ZC3H8: variants seen among roughly 807,000 people sequenced by gnomAD.
ZC3H8 encodes zinc finger CCCH domain-containing protein 8.
Under a neutral mutation model 42.5 loss-of-function variants are expected in ZC3H8, and 27 were observed. The ratio of observed to expected loss-of-function variants is 0.64; its 90% CI spans 0.47 to 0.88. The LOEUF is 0.88. Among genes scored for constraint, ZC3H8 ranks in the 40% least tolerant of loss-of-function variants. The pLI is 0.00. For synonymous variants in ZC3H8, 101 were observed against 110.1 expected (o/e 0.92, Z 0.52); for missense variants, 277 against 336.1 (o/e 0.82, Z 1.37).
chr2:112,224,414 T>A (rs1479301198), intron 8 of ZC3H8, among the ~76,000 whole-genome samples: 1 of 152,202 alleles, frequency 6.6e-6, no homozygotes, highest in African/African-American at 2.4e-5. Flanking sequence ...TTCATTAACT[T>A]GACAGAGTTT....
chr2:112,250,080 T>C, intron 2 of ZC3H8, 111 bp downstream of exon 2: 1 of 742,790 alleles, frequency 1.3e-6, no homozygotes, highest in South Asian at 2.4e-5. Context: ...GGATCCTTCA[T>C]TAATTTCTCA....
At position 112,233,246 on chromosome 2, in the gene ZC3H8, G is replaced by C. The variant is rs373897826; in HGVS notation, c.733+14C>G. The C allele has an allele frequency of 3.5e-6, 5 of 1,439,938 alleles. No individual in the cohort carries two copies. The highest frequency in any genetic ancestry group is 4.7e-6 in the Non-Finnish European group (5 of 1,053,180). The allele number at this position is 1,439,938 out of a possible 1,614,324, so 89.2% of individuals were successfully genotyped here. ...AATATTTATAAAGTCACCATATCTT[G>C]TGATAAAGGATATTATGCAAATACA... On this transcript the variant is annotated intron_variant, in intron 6 of 8. Transcript: ENST00000409573.
intron 2 of ZC3H8, among the ~76,000 whole-genome samples, chr2:112,240,984 T>TGC (rs749968538): frequency 0.022 from 2,970 of 132,368 alleles, 50 homozygotes; most frequent in Middle Eastern, 0.049. Context: ...TGTGTGTGTG[T>TGC]GCGCGTGTGT....
chr2:112,240,852 C>A (rs1227956665), intron 2 of ZC3H8, among the ~76,000 whole-genome samples: 3 of 152,006 alleles, frequency 2.0e-5, no homozygotes, highest in Non-Finnish European at 4.4e-5. Context: ...ATTACATCCC[C>A]TTTCTCCTTT....
At chr2:112,234,916 A>T (rs1685255456) in intron 4 of ZC3H8, among the ~76,000 whole-genome samples, 1 of 152,194 alleles carries the variant, frequency 6.6e-6, no homozygotes, top group Admixed American at 6.5e-5. Context: ...AGTGAACCAA[A>T]AGCAGTGGAA....
chr2:112,251,103 A>G (rs967856516), intron 1 of ZC3H8, among the ~76,000 whole-genome samples: 1 of 152,360 alleles, frequency 6.6e-6, no homozygotes, highest in South Asian at 2.1e-4. Flanking sequence ...GCTGAAGAAA[A>G]TATTATCTTA....
intron 6 of ZC3H8, among the ~76,000 whole-genome samples, chr2:112,232,427 A>G (rs1291835146): frequency 1.3e-5 from 2 of 152,128 alleles, no homozygotes; most frequent in African/African-American, 2.4e-5. Context: ...TTTTAGAAGG[A>G]CTACATACGT....
intron 8 of ZC3H8, among the ~76,000 whole-genome samples, chr2:112,217,535 TTC>T (rs1309549597): frequency 1.3e-5 from 2 of 152,260 alleles, no homozygotes; most frequent in Admixed American, 1.3e-4. Flanking sequence ...GCATGTATAA[TTC>T]TGTCATATTG....
chr2:112,240,969 GTGTGTGTGTGTGTGTGCGCGTGTGTA>G, intron 2 of ZC3H8, among the ~76,000 whole-genome samples: 1 of 144,786 alleles, frequency 6.9e-6, no homozygotes, highest in Admixed American at 6.9e-5. Flanking sequence ...GTGTGTGTGT[GTGTGTGTGTGTGTGTGCGCGTGTGTA>G]TGTGTGTTGT....
Position 112,250,279 on chromosome 2 carries a change from C to T in ZC3H8, c.75-7G>A. ...ATCTATTTCATCATCGATTCTGTAG[C>T]AAAAATATCAAATAACACAAAAGAG... On this transcript the variant is annotated splice_region_variant and splice_polypyrimidine_tract_variant and intron_variant, in intron 1 of 8. Coordinates refer to ENST00000409573, the MANE Select transcript of ZC3H8 (RefSeq NM_032494.3). The T allele has an allele frequency of 1.3e-6, 2 of 1,539,676 alleles. No individual in the cohort carries two copies. The highest frequency in any genetic ancestry group is 1.8e-6 in the Non-Finnish European group (2 of 1,140,722).
At chr2:112,244,055 A>G (rs1406747790) in intron 2 of ZC3H8, among the ~76,000 whole-genome samples, 1 of 138,664 alleles carries the variant, frequency 7.2e-6, no homozygotes, top group Non-Finnish European at 1.6e-5. Context: ...GTCTCATATA[A>G]AAGGATATGA....
At chr2:112,229,620 G>A (rs1685004738) in intron 8 of ZC3H8, among the ~76,000 whole-genome samples, 1 of 152,136 alleles carries the variant, frequency 6.6e-6, no homozygotes, top group Admixed American at 6.5e-5. Context: ...ATATGAAACA[G>A]TGCCAACCCA....
chr2:112,251,742 CA>C, intron 1 of ZC3H8, among the ~76,000 whole-genome samples: 1 of 152,228 alleles, frequency 6.6e-6, no homozygotes, highest in Non-Finnish European at 1.5e-5. Flanking sequence ...CCCCAGCAGG[CA>C]GGCAAAGCTC....
At chr2:112,243,387 T>C (rs1477842061) in intron 2 of ZC3H8, among the ~76,000 whole-genome samples, 4 of 152,346 alleles carry the variant, frequency 2.6e-5, no homozygotes, top group Admixed American at 2.6e-4. Flanking sequence ...TTCCAGGCAA[T>C]GTATATGCTC....
intron 8 of ZC3H8, among the ~76,000 whole-genome samples, chr2:112,221,087 C>T (rs557134974): frequency 4.3e-4 from 65 of 152,084 alleles, no homozygotes; most frequent in African/African-American, 1.1e-3. Context: ...CTTTCAGGGA[C>T]GGAAATGAGT....
In ZC3H8 at chr2:112,250,199, G is replaced by C; in HGVS notation, c.148C>G (p.Pro50Ala). ...EKIKLECEQI[P>A]KKFRHSAISP... ...GGTCAACTTAATCTTACTTTTTTGG[G>C]AATTTGCTCGCACTCCAGTTTAATT... Residue 50 changes from proline (P) to alanine (A), a missense_variant, in exon 2 of 9, where the codon CCC (proline) becomes GCC (alanine). Physicochemically the swap from Pro to Ala is conservative, Grantham distance 27 (BLOSUM62 -1). Transcript: ENST00000409573. 1 of 1,561,918 alleles carries C rather than the reference G, an allele frequency of 6.4e-7. No homozygotes were observed. The highest frequency in any genetic ancestry group is 8.7e-7 in the Non-Finnish European group (1 of 1,152,126).
At position 112,254,949 on chromosome 2, in the gene ZC3H8, G is replaced by C. The variant is rs181276061; in HGVS notation, c.33C>G (p.Pro11=). The C allele has an allele frequency of 2.7e-3, 4,304 of 1,612,706 alleles. 51 individuals are homozygous for C. The African/African-American group carries it at 0.034, about 13-fold the overall frequency. The part of the protein sequence containing the change: MDFENLFSKP[P]NPALGKTATD... ...TGGCCGTTTTGCCGAGGGCCGGGTT[G>C]GGGGGTTTTGAGAAAAGATTCTCAA... The change falls in exon 1 of 9, where the codon CCC becomes CCG. Residue 11 remains proline, a synonymous_variant. Transcript: ENST00000409573.
chr2:112,234,621 T>G (rs1249853751), intron 4 of ZC3H8, among the ~76,000 whole-genome samples: 1 of 151,986 alleles, frequency 6.6e-6, no homozygotes, highest in Non-Finnish European at 1.5e-5. Flanking sequence ...GCCAACACAG[T>G]GAAACCTCAT....
chr2:112,250,696 T>C (rs1685916141), intron 1 of ZC3H8, among the ~76,000 whole-genome samples: 1 of 152,126 alleles, frequency 6.6e-6, no homozygotes, highest in Non-Finnish European at 1.5e-5. Context: ...TTCAATATGG[T>C]ATGGTAAGTA....
Sources: allele counts gnomAD v4.1 joint callset (sites outside exome capture counted in the v4.1 genomes callset), GRCh38; gene constraint gnomAD v4.1.1; transcripts MANE v1.5; gene names NCBI Gene and HGNC (gene_info 2026-07-23, HGNC 2026-07-21).